The following VWA8 variants were observed in gnomAD, a reference collection of about 807,000 sequenced individuals.
The protein encoded by VWA8 is von Willebrand factor A domain-containing protein 8.
In VWA8, 221 loss-of-function variants were observed where a neutral mutation model predicts 241.5. The ratio of observed to expected loss-of-function variants is 0.91; its 90% CI spans 0.82 to 1.02. The LOEUF (loss-of-function observed/expected upper bound fraction) is 1.02, where lower values mean the gene tolerates loss of function less well. VWA8 is among the 50% of genes least tolerant of loss of function. The pLI is 0.00. For synonymous variants in VWA8, 852 were observed against 827.1 expected, an observed-to-expected ratio of 1.03 and a Z score of -0.52; for missense variants, 2,322 against 2,328.7, an observed-to-expected ratio of 1.00 and a Z score of 0.06.
chr13:41,830,863 G>A (rs1593801093), intron 13 of VWA8, among the ~76,000 whole-genome samples: 2 of 152,090 alleles, frequency 1.3e-5, no homozygotes, highest in South Asian at 2.1e-4. Flanking sequence ...TATTTGATAG[G>A]GATATGAAAG....
At chr13:41,814,583 G>T (rs970643954) in intron 16 of VWA8, among the ~76,000 whole-genome samples, 5 of 152,148 alleles carry the variant, frequency 3.3e-5, no homozygotes, top group African/African-American at 1.2e-4. Context: ...TGTTTAGCAG[G>T]CTGTCTTCAG....
intron 2 of VWA8, among the ~76,000 whole-genome samples, chr13:41,915,208 G>A (rs1309280436): frequency 1.3e-5 from 2 of 152,198 alleles, no homozygotes. Context: ...AGAGCCCTGG[G>A]AATTATGTAT....
At chr13:41,604,125 T>C (rs1045966833) in intron 40 of VWA8, among the ~76,000 whole-genome samples, 1 of 152,130 alleles carries the variant, frequency 6.6e-6, no homozygotes. Flanking sequence ...TTTTGGCCCT[T>C]AGCCAACTAT....
chr13:41,869,120 A>AC (rs1873463137), intron 9 of VWA8, among the ~76,000 whole-genome samples: 1 of 152,078 alleles, frequency 6.6e-6, no homozygotes, highest in East Asian at 1.9e-4. Context: ...AGATGATGAG[A>AC]CCCTTCAAAA....
intron 8 of VWA8, among the ~76,000 whole-genome samples, 179 bp from the exon 9 acceptor site, chr13:41,883,670 C>T (rs535686611): frequency 1.3e-4 from 20 of 152,276 alleles, no homozygotes; most frequent in African/African-American, 4.8e-4. Flanking sequence ...CTTGCCCTTT[C>T]TCTGGGTAAG....
chr13:41,689,245 G>T, intron 34 of VWA8, 109 bp downstream of exon 34: 1 of 1,215,514 alleles, frequency 8.2e-7, no homozygotes, highest in Admixed American at 3.0e-5. Context: ...GATCCAACAT[G>T]TTTACCAGGA....
chr13:41,933,716 T>C (rs1004760344), intron 2 of VWA8, among the ~76,000 whole-genome samples: 6 of 151,982 alleles, frequency 3.9e-5, no homozygotes, highest in Admixed American at 3.9e-4. Context: ...GAAGAAAGGA[T>C]AGTCTTGTCA....
intron 14 of VWA8, among the ~76,000 whole-genome samples, chr13:41,829,569 GCACACA>G (rs879895316): frequency 1.5e-5 from 1 of 65,216 alleles, no homozygotes; most frequent in African/African-American, 3.9e-5. Context: ...ACACACACAT[GCACACA>G]CACACACACC....
intron 40 of VWA8, among the ~76,000 whole-genome samples, chr13:41,596,089 G>A (rs2044486327): frequency 6.6e-6 from 1 of 152,000 alleles, no homozygotes; most frequent in African/African-American, 2.4e-5. Flanking sequence ...TTTTGGTACT[G>A]CTTGTCATTG....
At chr13:41,768,573 C>A (rs1369121781) in intron 20 of VWA8, among the ~76,000 whole-genome samples, 1 of 152,000 alleles carries the variant, frequency 6.6e-6, no homozygotes, top group East Asian at 1.9e-4. Flanking sequence ...GTTAAAAAAT[C>A]AAATGCTATG....
At chr13:41,909,053 A>C (rs989141620) in intron 3 of VWA8, among the ~76,000 whole-genome samples, 3 of 141,706 alleles carry the variant, frequency 2.1e-5, no homozygotes, top group African/African-American at 8.2e-5. Context: ...GGAGGAAAAA[A>C]ATTTTTTTTT....
In VWA8 at chr13:41,721,636, A is replaced by G. The variant is rs1039860492; in HGVS notation, c.2759-61T>C. On this transcript the variant is annotated intron_variant, in intron 24 of 44. Transcript: ENST00000379310. ...CAAATCCATTACGATGTCACAGGAA[A>G]AAATGGAATGGTTGTTTAAAGAGCC... 48 of 1,522,058 alleles carry G rather than the reference A, an allele frequency of 3.2e-5. No individual in the cohort carries two copies. The Admixed American group carries it at 9.6e-4, about 30-fold the overall frequency. 94.3% of individuals were successfully genotyped at this position (1,522,058 alleles called of 1,614,324 possible).
intron 43 of VWA8, among the ~76,000 whole-genome samples, chr13:41,574,542 C>G (rs1263935378): frequency 2.0e-5 from 3 of 152,148 alleles, no homozygotes; most frequent in Non-Finnish European, 4.4e-5. Context: ...AAAATACCAT[C>G]ATTATTTTTC....
intron 14 of VWA8, among the ~76,000 whole-genome samples, chr13:41,821,423 A>G (rs1593794340): frequency 6.6e-6 from 1 of 152,200 alleles, no homozygotes; most frequent in African/African-American, 2.4e-5. Flanking sequence ...CAAATAGGTT[A>G]CATGGGAAGT....
rs1398818271 is a variant in VWA8 at position 41,741,968 on chromosome 13, T to C, written c.2427-9813A>G. Among the ~76,000 whole-genome samples the C allele has an allele frequency of 4.6e-5, 7 of 152,214 alleles. 1 individual carries two copies. The highest frequency in any genetic ancestry group is 1.0e-4 in the Non-Finnish European group (7 of 68,024). On this transcript the variant is annotated intron_variant, in intron 21 of 44. Transcript: ENST00000379310. ...CCTGATTATGGAATTTGATTTTAAC[T>C]GGCAGGAATGAGTAGAAAGTATGTC...
chr13:41,688,135 G>A (rs1307848603), intron 34 of VWA8, among the ~76,000 whole-genome samples: 2 of 151,962 alleles, frequency 1.3e-5, no homozygotes, highest in East Asian at 3.9e-4. Flanking sequence ...GTTTCATTTT[G>A]AATTACATGA....
At chr13:41,620,422 T>C (rs373254196) in intron 37 of VWA8, among the ~76,000 whole-genome samples, 1 of 152,186 alleles carries the variant, frequency 6.6e-6, no homozygotes, top group Non-Finnish European at 1.5e-5. Flanking sequence ...AAAAACCAGC[T>C]CCTGGATTCA....
chr13:41,701,803 A>G (rs2045251917), intron 27 of VWA8, among the ~76,000 whole-genome samples: 1 of 152,150 alleles, frequency 6.6e-6, no homozygotes, highest in Non-Finnish European at 1.5e-5. Flanking sequence ...AGCATTTCTC[A>G]TTTCTTCATT....
At chr13:41,852,956 A>G (rs562523272) in intron 12 of VWA8, among the ~76,000 whole-genome samples, 5 of 152,170 alleles carry the variant, frequency 3.3e-5, no homozygotes, top group African/African-American at 1.2e-4. Flanking sequence ...TATGAATTTT[A>G]GTATTTTTTT....
Sources: gnomAD v4.1 joint callset for allele counts (sites outside exome capture counted in the v4.1 genomes callset) on GRCh38, gnomAD v4.1.1 for gene constraint, MANE v1.5 for transcripts, NCBI Gene and HGNC (gene_info 2026-07-23, HGNC 2026-07-21) for gene names.